Variants in SRP72 observed in about 807,000 individuals in gnomAD.
The protein encoded by SRP72 is signal recognition particle 72, also known as signal recognition particle subunit SRP72.
SRP72 carries 49 observed loss-of-function variants against 96.3 expected under a neutral mutation model. That is an observed-to-expected ratio of 0.51 (90% CI 0.40 to 0.65). The LOEUF is 0.65. SRP72 is among the 30% of genes least tolerant of loss of function. The pLI, the probability that SRP72 is intolerant of heterozygous loss-of-function variation, is 0.00. For missense variants in SRP72, 736 were observed against 793.3 expected (o/e 0.93, Z 0.87); for synonymous variants, 267 against 275.2 (o/e 0.97, Z 0.30).
Position 56,478,368 on chromosome 4 carries a change from C to A in SRP72, c.643-11C>A. ...GAAAATTTATATGGGAAAAACATTT[C>A]TTTCTCTTAGGATGGGACTGAGGAA... On this transcript the variant is annotated splice_polypyrimidine_tract_variant and intron_variant, in intron 6 of 18. Transcript: ENST00000642900. The A allele has an allele frequency of 1.3e-6, 2 of 1,552,430 alleles. No individual in the cohort carries two copies. The highest frequency in any genetic ancestry group is 1.7e-6 in the Non-Finnish European group (2 of 1,153,724).
Position 56,500,583 on chromosome 4 carries a change from A to C in SRP72, c.1726A>C (p.Arg576=). 1 of 1,614,036 alleles carries C rather than the reference A, an allele frequency of 6.2e-7. No individual in the cohort carries two copies. The highest frequency in any genetic ancestry group is 2.2e-5 in the East Asian group (1 of 44,880). The stretch of plus-strand genomic sequence containing the variant: ...CCCAAAAGTTACCCCAGATCCAGAA[A>C]GATGGCTGCCAATGCGAGAACGTTC... ...YDPKVTPDPE[R]WLPMRERSYY... Residue 576 remains arginine, a synonymous_variant, in exon 18 of 19, where the codon AGA becomes CGA. Coordinates refer to ENST00000642900, the MANE Select transcript of SRP72 (RefSeq NM_006947.4).
intron 3 of SRP72, among the ~76,000 whole-genome samples, chr4:56,472,864 C>T (rs1450371060): frequency 6.6e-6 from 1 of 152,092 alleles, no homozygotes; most frequent in African/African-American, 2.4e-5. Context: ...CTGTGTCATA[C>T]ATAATGGACT....
At chr4:56,483,405 T>C in intron 9 of SRP72, 135 bp downstream of exon 9, 3 of 814,422 alleles carry the variant, frequency 3.7e-6, no homozygotes, top group Admixed American at 3.3e-5. Flanking sequence ...TTTTTTTGCC[T>C]TCCTCAAAAT....
intron 13 of SRP72, 49 bp downstream of exon 13, chr4:56,489,532 T>A (rs1266945937): frequency 1.6e-6 from 2 of 1,213,044 alleles, no homozygotes; most frequent in Non-Finnish European, 2.4e-6. Context: ...TACATAAAAA[T>A]AAAGATGGAG....
chr4:56,473,255 C>T (rs899281317), intron 3 of SRP72, among the ~76,000 whole-genome samples: 18 of 151,844 alleles, frequency 1.2e-4, no homozygotes, highest in Non-Finnish European at 2.4e-4. Flanking sequence ...GTCAGGAGAT[C>T]GAGACCATCC....
chr4:56,483,341 A>G (rs1385251286), intron 9 of SRP72, 71 bp downstream of exon 9: 43 of 1,418,786 alleles, frequency 3.0e-5, no homozygotes, highest in Non-Finnish European at 9.6e-7. Flanking sequence ...TAGGGATATT[A>G]GTCTAATCTT....
chr4:56,488,049 G>A (rs774846393), intron 12 of SRP72, 36 bp downstream of exon 12: 1 of 1,459,362 alleles, frequency 6.9e-7, no homozygotes, highest in African/African-American at 1.4e-5. Context: ...AAAAGTAGTT[G>A]AATTGATAAT....
chr4:56,501,994 A>G lies in SRP72; in HGVS notation c.*133A>G, dbSNP rs779482629. On this transcript the variant is annotated 3_prime_UTR_variant, in exon 19 of 19. Transcript: ENST00000642900. ...TATTTTCATAATTTCTTGTGTTTCA[A>G]ATAGGGAAACATCTTCCTCAAAGTC... 1.8e-5 allele frequency: 18 copies of G among 980,130 alleles called. No homozygotes were observed. The highest frequency in any genetic ancestry group is 2.6e-5 in the Non-Finnish European group (17 of 654,938). The allele number at this position is 980,130 out of a possible 1,614,324, so 60.7% of individuals were successfully genotyped here.
At chr4:56,477,985 A>G (rs1459155166) in intron 6 of SRP72, among the ~76,000 whole-genome samples, 1 of 152,180 alleles carries the variant, frequency 6.6e-6, no homozygotes, top group Non-Finnish European at 1.5e-5. Context: ...TGTGATTTTT[A>G]TGAGAAAATT....
intron 8 of SRP72, among the ~76,000 whole-genome samples, chr4:56,482,842 C>CT (rs1278033413): frequency 2.6e-5 from 4 of 152,122 alleles, no homozygotes; most frequent in African/African-American, 9.7e-5. Context: ...AAGCAGTTCA[C>CT]TTGTTAAGCC....
At chr4:56,490,264 G>A in intron 13 of SRP72, 69 bp from the exon 14 acceptor site, 1 of 1,232,222 alleles carries the variant, frequency 8.1e-7, no homozygotes, top group Non-Finnish European at 1.2e-6. Context: ...AAGGTCTAAT[G>A]AATATAACTG....
intron 11 of SRP72, among the ~76,000 whole-genome samples, chr4:56,487,651 A>AT (rs1720763079): frequency 2.6e-5 from 4 of 152,194 alleles, no homozygotes; most frequent in Admixed American, 2.0e-4. Context: ...AAAAGAAGAA[A>AT]TAGAACTCAA....
chr4:56,480,702 A>T (rs1720448466), intron 8 of SRP72, among the ~76,000 whole-genome samples: 1 of 152,208 alleles, frequency 6.6e-6, no homozygotes, highest in Non-Finnish European at 1.5e-5. Flanking sequence ...ATAGTACTGG[A>T]TGCAATAGGT....
intron 8 of SRP72, among the ~76,000 whole-genome samples, chr4:56,479,287 C>T (rs1456946553): frequency 6.6e-6 from 1 of 152,108 alleles, no homozygotes; most frequent in Admixed American, 6.5e-5. Flanking sequence ...TCACGCCATT[C>T]TCCTGCCTCA....
At chr4:56,476,576 C>T in intron 5 of SRP72, 95 bp from the exon 6 acceptor site, 1 of 1,313,260 alleles carries the variant, frequency 7.6e-7, no homozygotes, top group Non-Finnish European at 1.1e-6. Flanking sequence ...ATCTTGGAAT[C>T]TTCTGCTTAG....
intron 17 of SRP72, among the ~76,000 whole-genome samples, chr4:56,496,839 T>C (rs974102524): frequency 6.6e-6 from 1 of 152,114 alleles, no homozygotes; most frequent in Non-Finnish European, 1.5e-5. Context: ...AATATAAAAA[T>C]TAGCCGAGCA....
At chr4:56,474,556 T>A in intron 5 of SRP72, 165 bp downstream of exon 5, 1 of 663,802 alleles carries the variant, frequency 1.5e-6, no homozygotes, top group African/African-American at 1.8e-5. Flanking sequence ...TTTTTTTTTA[T>A]GGAGTGGGAC....
rs768872099 is a variant in SRP72, at chr4:56,488,038, G to A, written c.1224+25G>A. ...GGTGAGTTTTAAAAATTACAAAATT[G>A]AAAAGTAGTTGAATTGATAATTTGT... On this transcript the variant is annotated intron_variant, in intron 12 of 18. Transcript: ENST00000642900. 3.3e-6 allele frequency: 5 copies of A among 1,534,514 alleles called. No individual in the cohort carries two copies. In the Admixed American group the frequency reaches 9.9e-5, roughly 30 times the overall value.
At position 56,501,810 on chromosome 4, in the gene SRP72, A is replaced by G; in HGVS notation, c.1965A>G (p.Thr655=). The part of the protein sequence containing the change: ...RHQKPAGAPA[T]KKKQQQKKKK... ...AGAAACCTGCAGGGGCTCCAGCAAC[A>G]AAAAAGAAACAGCAACAGAAAAAGA... Residue 655 remains threonine (T), a synonymous_variant, in exon 19 of 19, where the codon ACA becomes ACG. Transcript: ENST00000642900. The G allele has an allele frequency of 6.2e-7, 1 of 1,614,118 alleles. No individual in the cohort carries two copies. Among genetic ancestry groups the G allele is most frequent in the Non-Finnish European group, 8.5e-7 (1 of 1,180,002 alleles).
Sources: allele counts gnomAD v4.1 joint callset (sites outside exome capture counted in the v4.1 genomes callset), GRCh38; gene constraint gnomAD v4.1.1; transcripts MANE v1.5; gene names NCBI Gene and HGNC (gene_info 2026-07-23, HGNC 2026-07-21).